Variants in DCDC2C observed in about 807,000 individuals in gnomAD.
DCDC2C encodes the protein doublecortin domain-containing protein 2C.
DCDC2C carries 44 observed loss-of-function variants against 45.0 expected under a neutral mutation model. The observed-to-expected ratio is 0.98, with a 90% CI of 0.77 to 1.26. The LOEUF (loss-of-function observed/expected upper bound fraction) is 1.26, where lower values mean the gene tolerates loss of function less well. Ranked by LOEUF, DCDC2C falls within the 50% of genes most tolerant of loss-of-function variation. The pLI is 0.00. For missense variants in DCDC2C, 447 were observed against 468.9 expected (o/e 0.95, Z 0.43); for synonymous variants, 187 against 178.8 (o/e 1.05, Z -0.37).
chr2:3,778,176 G>C (rs1049894426), intron 8 of DCDC2C, among the ~76,000 whole-genome samples: 26 of 152,280 alleles, frequency 1.7e-4, no homozygotes, highest in Admixed American at 1.4e-3. Flanking sequence ...GAGTGGCTGT[G>C]TGGACGGGAC....
At chr2:3,726,245 C>T (rs1302526762) in intron 2 of DCDC2C, among the ~76,000 whole-genome samples, 1 of 152,054 alleles carries the variant, frequency 6.6e-6, no homozygotes, top group Non-Finnish European at 1.5e-5. Context: ...GCTGGGATGT[C>T]CTCGGTGAGC....
intron 3 of DCDC2C, among the ~76,000 whole-genome samples, chr2:3,735,481 T>C (rs915130646): frequency 1.3e-5 from 2 of 152,068 alleles, no homozygotes; most frequent in Non-Finnish European, 2.9e-5. Context: ...TTCTCATTGT[T>C]CAATTCCCAC....
chr2:3,846,715 A>G (rs1210322631), intron 10 of DCDC2C, among the ~76,000 whole-genome samples: 1 of 152,172 alleles, frequency 6.6e-6, no homozygotes, highest in African/African-American at 2.4e-5. Flanking sequence ...GCTCTTCAAG[A>G]GAGTTATTCA....
intron 3 of DCDC2C, among the ~76,000 whole-genome samples, chr2:3,735,085 C>T (rs357956): frequency 0.65 from 98,662 of 151,908 alleles, 32,805 homozygotes; most frequent in East Asian, 0.97. Flanking sequence ...GTAGAGATTG[C>T]TTTTTTCTGT....
intron 10 of DCDC2C, among the ~76,000 whole-genome samples, chr2:3,794,809 A>G (rs549378938): frequency 2.6e-5 from 4 of 152,314 alleles, no homozygotes; most frequent in African/African-American, 9.6e-5. Flanking sequence ...ATTGTGAATA[A>G]TGCCTCAATA....
chr2:3,732,144 G>A (rs567369721), intron 3 of DCDC2C, among the ~76,000 whole-genome samples: 2 of 152,264 alleles, frequency 1.3e-5, no homozygotes, highest in African/African-American at 2.4e-5. Context: ...GATGTGGTTC[G>A]GGGGACCGAG....
Position 3,803,874 on chromosome 2 carries a change from C to G in DCDC2C, c.1065+18774C>G, listed in dbSNP as rs139787735. 3.6e-3 allele frequency among the ~76,000 whole-genome samples: 542 copies of G among 152,340 alleles called. 6 individuals carry two copies. Among genetic ancestry groups the G allele is most frequent in the African/African-American group, 0.012 (508 of 41,568 alleles). On this transcript the variant is annotated intron_variant, in intron 10 of 10. Transcript: ENST00000399143. The stretch of plus-strand genomic sequence containing the variant: ...AGCCCCTGGCTTTGCACTCTTCTGA[C>G]TTCATGTACCCTTGCATGCAGGTGA...
chr2:3,831,711 T>A (rs1252783892), intron 10 of DCDC2C, among the ~76,000 whole-genome samples: 1 of 152,204 alleles, frequency 6.6e-6, no homozygotes, highest in Non-Finnish European at 1.5e-5. Context: ...CAGCCATGTG[T>A]GTGGTGGAAC....
chr2:3,809,430 A>C (rs1427498904), intron 10 of DCDC2C, among the ~76,000 whole-genome samples: 2 of 152,168 alleles, frequency 1.3e-5, no homozygotes, highest in Non-Finnish European at 2.9e-5. Flanking sequence ...AGCATTTAGT[A>C]TCCTGACCTT....
intron 10 of DCDC2C, among the ~76,000 whole-genome samples, chr2:3,821,497 T>G (rs1572641757): frequency 6.6e-6 from 1 of 152,374 alleles, no homozygotes; most frequent in East Asian, 1.9e-4. Flanking sequence ...AGACTTTGTA[T>G]GCATAGATTA....
intron 6 of DCDC2C, among the ~76,000 whole-genome samples, chr2:3,758,969 T>G (rs1466434767): frequency 6.6e-6 from 1 of 152,214 alleles, no homozygotes; most frequent in African/African-American, 2.4e-5. Context: ...CAAACCTGTG[T>G]GCAGCCTGAG....
At chr2:3,825,518 G>A (rs1333767073) in intron 10 of DCDC2C, among the ~76,000 whole-genome samples, 1 of 152,188 alleles carries the variant, frequency 6.6e-6, no homozygotes, top group Non-Finnish European at 1.5e-5. Context: ...TTCTTTCCAA[G>A]TTAAAGCTGG....
chr2:3,739,713 A>G (rs1462493452), intron 3 of DCDC2C, among the ~76,000 whole-genome samples: 1 of 152,254 alleles, frequency 6.6e-6, no homozygotes, highest in Non-Finnish European at 1.5e-5. Context: ...CTCCAAGCCC[A>G]CATGTGATCC....
At chr2:3,816,218 A>C (rs955928473) in intron 10 of DCDC2C, among the ~76,000 whole-genome samples, 2 of 152,340 alleles carry the variant, frequency 1.3e-5, no homozygotes, top group East Asian at 1.9e-4. Flanking sequence ...AACTAAATGG[A>C]AGACACAAAG....
At chr2:3,704,683 C>T (rs1162412505) in intron 1 of DCDC2C, among the ~76,000 whole-genome samples, 1 of 17,080 alleles carries the variant, frequency 5.9e-5, no homozygotes, top group Non-Finnish European at 1.0e-4. Flanking sequence ...GCGTGGGGGG[C>T]GTGGGGAGGA....
intron 1 of DCDC2C, among the ~76,000 whole-genome samples, chr2:3,704,720 GC>G (rs1572543685): frequency 9.9e-6 from 1 of 101,368 alleles, no homozygotes; most frequent in East Asian, 3.2e-4. Context: ...GGGGGGAGGG[GC>G]GTGGGGGGGA....
chr2:3,794,127 A>G (rs1041679282), intron 10 of DCDC2C, among the ~76,000 whole-genome samples: 26 of 152,196 alleles, frequency 1.7e-4, no homozygotes, highest in African/African-American at 6.3e-4. Flanking sequence ...ATGCATTTTT[A>G]CCCATGCAGC....
chr2:3,714,372 G>C (rs1050544913), intron 2 of DCDC2C, among the ~76,000 whole-genome samples: 1 of 152,092 alleles, frequency 6.6e-6, no homozygotes, highest in Non-Finnish European at 1.5e-5. Context: ...AAGTGTCCTT[G>C]GTCTTAATTC....
intron 2 of DCDC2C, among the ~76,000 whole-genome samples, chr2:3,724,794 G>T (rs554942480): frequency 1.4e-4 from 21 of 152,152 alleles, no homozygotes; most frequent in Non-Finnish European, 2.6e-4. Context: ...CTCCCCAGTT[G>T]TTGGCCTGAC....
Sources: allele counts gnomAD v4.1 joint callset (sites outside exome capture counted in the v4.1 genomes callset), GRCh38; gene constraint gnomAD v4.1.1; transcripts MANE v1.5; gene names NCBI Gene and HGNC (gene_info 2026-07-23, HGNC 2026-07-21).